ERBB4: variants seen among roughly 807,000 people sequenced by gnomAD.
ERBB4 encodes erb-b2 receptor tyrosine kinase 4, also known as receptor tyrosine-protein kinase erbB-4.
Under a neutral mutation model 158.0 loss-of-function variants are expected in ERBB4, and 42 were observed. That is an observed-to-expected ratio of 0.27 (90% CI 0.21 to 0.34). The LOEUF is 0.34. Among genes scored for constraint, ERBB4 ranks in the 10% least tolerant of loss-of-function variants. ERBB4 has a pLI of 1.00. For missense variants in ERBB4, 1,333 were observed against 1,624.1 expected (o/e 0.82, Z 3.08); for synonymous variants, 583 against 558.7 (o/e 1.04, Z -0.61).
chr2:212,432,494 T>C (rs2105945418), intron 1 of ERBB4, among the ~76,000 whole-genome samples: 1 of 152,234 alleles, frequency 6.6e-6, no homozygotes, highest in South Asian at 2.1e-4. Flanking sequence ...TCTCTATATA[T>C]AATGTGATCA....
chr2:211,819,182 A>G (rs1223997691), intron 3 of ERBB4, among the ~76,000 whole-genome samples: 1 of 152,100 alleles, frequency 6.6e-6, no homozygotes, highest in African/African-American at 2.4e-5. Context: ...TCATGTATTC[A>G]ATTTTCATTC....
intron 1 of ERBB4, among the ~76,000 whole-genome samples, chr2:212,448,679 A>T (rs1413279230): frequency 6.6e-6 from 1 of 152,154 alleles, no homozygotes; most frequent in East Asian, 1.9e-4. Context: ...GAAACCAGGG[A>T]ACCAAAATAA....
chr2:212,145,146 T>C (rs1044914906), intron 1 of ERBB4, among the ~76,000 whole-genome samples: 3 of 152,188 alleles, frequency 2.0e-5, no homozygotes, highest in African/African-American at 7.2e-5. Context: ...CCTTTACATA[T>C]TAAGTTTAAA....
At chr2:212,294,946 C>G (rs17346754) in intron 1 of ERBB4, among the ~76,000 whole-genome samples, 3 of 152,090 alleles carry the variant, frequency 2.0e-5, no homozygotes, top group African/African-American at 4.8e-5. Context: ...AGGCATGAAG[C>G]CTTTGCCATA....
chr2:211,845,402 A>G (rs961014125), intron 3 of ERBB4, among the ~76,000 whole-genome samples: 5 of 152,136 alleles, frequency 3.3e-5, no homozygotes, highest in African/African-American at 1.2e-4. Flanking sequence ...ATTAACACCT[A>G]TAGAGGACTG....
chr2:212,286,247 A>G (rs1345494671), intron 1 of ERBB4, among the ~76,000 whole-genome samples: 1 of 152,192 alleles, frequency 6.6e-6, no homozygotes, highest in East Asian at 1.9e-4. Context: ...ATGAAATACA[A>G]CCAATATCAG....
intron 1 of ERBB4, among the ~76,000 whole-genome samples, chr2:212,433,195 T>A (rs1032913830): frequency 6.6e-6 from 1 of 152,066 alleles, no homozygotes; most frequent in Non-Finnish European, 1.5e-5. Context: ...GTAGCCTTCA[T>A]AGGATAATTA....
At chr2:212,233,852 G>C (rs190782566) in intron 1 of ERBB4, among the ~76,000 whole-genome samples, 4 of 152,032 alleles carry the variant, frequency 2.6e-5, no homozygotes, top group Non-Finnish European at 4.4e-5. Flanking sequence ...TTATTTGGGA[G>C]TTTGCTTCTT....
chr2:211,636,746 T>A (rs1477930187), intron 16 of ERBB4, among the ~76,000 whole-genome samples: 1 of 151,990 alleles, frequency 6.6e-6, no homozygotes, highest in Non-Finnish European at 1.5e-5. Context: ...TTGGGGTATG[T>A]GTGTATGTGT....
At chr2:212,453,809 G>A (rs761554235) in intron 1 of ERBB4, among the ~76,000 whole-genome samples, 8 of 152,166 alleles carry the variant, frequency 5.3e-5, no homozygotes, top group South Asian at 2.1e-4. Context: ...ATATTTAAAC[G>A]TAGTTTTATC....
chr2:212,188,402 C>A (rs542092727), intron 1 of ERBB4, among the ~76,000 whole-genome samples: 28 of 151,510 alleles, frequency 1.8e-4, no homozygotes, highest in African/African-American at 6.8e-4. Context: ...GGGTACACCT[C>A]CCTCTCCCAC....
intron 2 of ERBB4, among the ~76,000 whole-genome samples, chr2:212,061,918 A>C (rs1355984567): frequency 6.6e-6 from 1 of 151,778 alleles, no homozygotes; most frequent in Non-Finnish European, 1.5e-5. Flanking sequence ...TATTTTTGGT[A>C]CAGACAGGGT....
intron 1 of ERBB4, among the ~76,000 whole-genome samples, chr2:212,313,249 T>C (rs947949704): frequency 6.6e-6 from 1 of 150,858 alleles, no homozygotes; most frequent in Non-Finnish European, 1.5e-5. Context: ...CCAATAAACA[T>C]TCCAGAGAAT....
At chr2:211,404,586 C>T (rs530047138) in intron 25 of ERBB4, among the ~76,000 whole-genome samples, 13 of 152,126 alleles carry the variant, frequency 8.5e-5, no homozygotes, top group African/African-American at 3.1e-4. Flanking sequence ...AGACAACTAA[C>T]TTTGTTAAAA....
chr2:211,561,397 G>A (rs1245366223), intron 20 of ERBB4, among the ~76,000 whole-genome samples: 1 of 152,128 alleles, frequency 6.6e-6, no homozygotes. Context: ...TATGTGACAT[G>A]CCTAAGCCTT....
In ERBB4 at chr2:212,295,283, C is replaced by A. The variant is rs573065165; in HGVS notation, c.83-170380G>T. Reference sequence around the variant, plus strand: ...AATTACTCAAAGCACCCATAAGAAACAAATTCAGCACATTAAGAAATGTGA... The same window carrying A: ...AATTACTCAAAGCACCCATAAGAAAAAAATTCAGCACATTAAGAAATGTGA... On this transcript the variant is annotated intron_variant, in intron 1 of 27. Coordinates refer to ENST00000342788, the MANE Select transcript of ERBB4 (RefSeq NM_005235.3). 4.6e-5 allele frequency among the ~76,000 whole-genome samples: 7 copies of A among 152,056 alleles called. No individual in the cohort carries two copies. In the South Asian group the frequency reaches 1.5e-3, roughly 32 times the overall value.
At chr2:212,056,235 G>A (rs983741327) in intron 2 of ERBB4, among the ~76,000 whole-genome samples, 1 of 152,154 alleles carries the variant, frequency 6.6e-6, no homozygotes, top group East Asian at 1.9e-4. Context: ...AGAAAAAAGA[G>A]TAAAAAGAAA....
intron 1 of ERBB4, among the ~76,000 whole-genome samples, chr2:212,257,309 T>C (rs2084774878): frequency 6.6e-6 from 1 of 152,154 alleles, no homozygotes; most frequent in Non-Finnish European, 1.5e-5. Context: ...AAGCTTGAAC[T>C]TCATGATAAT....
At chr2:211,549,191 TA>T (rs2067017078) in intron 20 of ERBB4, among the ~76,000 whole-genome samples, 2 of 152,184 alleles carry the variant, frequency 1.3e-5, no homozygotes. Context: ...CTGCAAGATG[TA>T]AAATTGCAAT....
Sources: allele counts gnomAD v4.1 joint callset (sites outside exome capture counted in the v4.1 genomes callset), GRCh38; gene constraint gnomAD v4.1.1; transcripts MANE v1.5; gene names NCBI Gene and HGNC (gene_info 2026-07-23, HGNC 2026-07-21).